The following WDPCP variants were observed in gnomAD, a reference collection of about 807,000 sequenced individuals.
The protein encoded by WDPCP is WD repeat containing planar cell polarity effector.
In WDPCP, 71 loss-of-function variants were observed where a neutral mutation model predicts 93.1. That is an observed-to-expected ratio of 0.76 (90% CI 0.63 to 0.93). The LOEUF (loss-of-function observed/expected upper bound fraction) is 0.93, where lower values mean the gene tolerates loss of function less well. Among genes scored for constraint, WDPCP ranks in the 40% least tolerant of loss-of-function variants. WDPCP has a pLI of 0.00. For synonymous variants in WDPCP, 315 were observed against 315.0 expected, an observed-to-expected ratio of 1.00 and a Z score of 0.00; for missense variants, 844 against 887.4, an observed-to-expected ratio of 0.95 and a Z score of 0.62.
intron 1 of WDPCP, among the ~76,000 whole-genome samples, chr2:63,547,975 G>C (rs1575621016): frequency 6.6e-6 from 1 of 152,028 alleles, no homozygotes; most frequent in East Asian, 1.9e-4. Flanking sequence ...TTTAAGGTGA[G>C]AGATATTCTA....
At chr2:63,419,175 CTG>C (rs1695653899) in intron 9 of WDPCP, among the ~76,000 whole-genome samples, 1 of 152,158 alleles carries the variant, frequency 6.6e-6, no homozygotes, top group Non-Finnish European at 1.5e-5. Context: ...TGGAGTCTCA[CTG>C]TGTCACCCAG....
chr2:63,801,704 A>T (rs1021465621), intron 2 of WDPCP, among the ~76,000 whole-genome samples: 2 of 152,144 alleles, frequency 1.3e-5, no homozygotes, highest in African/African-American at 4.8e-5. Context: ...ACCTCTGGTA[A>T]GACAGGAAAG....
chr2:63,211,111 G>T (rs940069939), intron 14 of WDPCP, among the ~76,000 whole-genome samples: 2 of 152,182 alleles, frequency 1.3e-5, no homozygotes, highest in Non-Finnish European at 2.9e-5. Context: ...GAGAGTAGTG[G>T]TTCTCCCAGC....
intron 2 of WDPCP, among the ~76,000 whole-genome samples, chr2:63,697,728 C>G (rs1161624868): frequency 6.9e-6 from 1 of 145,866 alleles, no homozygotes; most frequent in Admixed American, 6.8e-5. Context: ...GCTCACTGCA[C>G]CCTAGACTTC....
chr2:63,353,298 TG>T (rs1325511964), intron 12 of WDPCP, among the ~76,000 whole-genome samples: 2 of 152,074 alleles, frequency 1.3e-5, no homozygotes, highest in Non-Finnish European at 2.9e-5. Flanking sequence ...CAAAAGTAGC[TG>T]CGGCTCCAGC....
In WDPCP at chr2:63,484,736, T is replaced by G; in HGVS notation, c.325-73A>C. On this transcript the variant is annotated intron_variant, in intron 5 of 17. Coordinates refer to ENST00000272321, the MANE Select transcript of WDPCP (RefSeq NM_015910.7). Reference sequence around the variant, plus strand: ...TCATTATCAGTTAAAGTGCCTCTGATTTGCAAGCAAAAAAAGATCAACATG... The same window carrying G: ...TCATTATCAGTTAAAGTGCCTCTGAGTTGCAAGCAAAAAAAGATCAACATG... The G allele has an allele frequency of 3.8e-6, 6 of 1,591,418 alleles. No individual in the cohort carries two copies. The South Asian group carries it at 4.4e-5, about 12-fold the overall frequency.
chr2:63,702,733 A>C (rs1363608657), intron 2 of WDPCP, among the ~76,000 whole-genome samples: 2 of 144,006 alleles, frequency 1.4e-5, no homozygotes, highest in Admixed American at 1.4e-4. Context: ...TTTTTTTTTT[A>C]ATTATACTTT....
At chr2:63,440,947 C>A (rs1697463713) in intron 6 of WDPCP, 1 of 152,108 alleles carries the variant, frequency 6.6e-6, no homozygotes. Context: ...GCATGAGGGA[C>A]CAGGGTAATA....
At chr2:63,796,566 C>T (rs188709993) in intron 2 of WDPCP, among the ~76,000 whole-genome samples, 82 of 152,322 alleles carry the variant, frequency 5.4e-4, no homozygotes, top group African/African-American at 1.9e-3. Context: ...AGAAGGAGGC[C>T]ACAGTGACTG....
chr2:63,486,651 CCTTGT>C, intron 3 of WDPCP, 65 bp from the exon 4 acceptor site: 1 of 1,367,102 alleles, frequency 7.3e-7, no homozygotes, highest in Non-Finnish European at 1.0e-6. Context: ...TATTATAATG[CCTTGT>C]ATTTTAATAT....
chr2:63,809,075 C>T (rs543645876), intron 2 of WDPCP, among the ~76,000 whole-genome samples: 15 of 151,748 alleles, frequency 9.9e-5, no homozygotes, highest in African/African-American at 2.9e-4. Context: ...CCGGCCGCCC[C>T]GTCTGAGAAG....
chr2:63,165,795 T>C (rs973698897), intron 15 of WDPCP, among the ~76,000 whole-genome samples: 1 of 151,788 alleles, frequency 6.6e-6, no homozygotes, highest in African/African-American at 2.4e-5. Flanking sequence ...GTTTAAATGG[T>C]TAATTTCTCC....
chr2:63,527,099 T>C (rs1455610028), intron 1 of WDPCP, among the ~76,000 whole-genome samples: 1 of 152,136 alleles, frequency 6.6e-6, no homozygotes, highest in East Asian at 1.9e-4. Context: ...GGACAATAAT[T>C]CTCTAGAAGT....
At chr2:63,417,032 G>A (rs972031971) in intron 9 of WDPCP, among the ~76,000 whole-genome samples, 2 of 152,080 alleles carry the variant, frequency 1.3e-5, no homozygotes, top group African/African-American at 4.8e-5. Context: ...CTAAAATAAG[G>A]ATTTATTCAC....
chr2:63,558,238 GAAGAA>G (rs1272994960), intron 1 of WDPCP, among the ~76,000 whole-genome samples: 1 of 151,880 alleles, frequency 6.6e-6, no homozygotes, highest in Non-Finnish European at 1.5e-5. Context: ...AACTAATAAA[GAAGAA>G]AAGAGGCCAG....
chr2:63,217,403 C>G (rs1677447382), intron 14 of WDPCP, among the ~76,000 whole-genome samples: 1 of 152,152 alleles, frequency 6.6e-6, no homozygotes, highest in South Asian at 2.1e-4. Context: ...AATTGCCTAC[C>G]TCTGCTTTAA....
intron 2 of WDPCP, among the ~76,000 whole-genome samples, chr2:63,781,899 T>C (rs1575771720): frequency 1.3e-5 from 2 of 152,264 alleles, no homozygotes; most frequent in East Asian, 3.9e-4. Context: ...GCACCTAATC[T>C]GAAGCAGTCA....
chr2:63,405,993 G>A lies in WDPCP; in HGVS notation c.826-1336C>T, dbSNP rs76280202. Among the ~76,000 whole-genome samples, 577 of 152,274 alleles carry A rather than the reference G, an allele frequency of 3.8e-3. 5 individuals are homozygous for A. The highest frequency in any genetic ancestry group is 0.013 in the African/African-American group (539 of 41,560). On this transcript the variant is annotated intron_variant, in intron 9 of 17. Coordinates refer to ENST00000272321, the MANE Select transcript of WDPCP (RefSeq NM_015910.7). ...GTATTTGACAGTGTATTGCAGTAAT[G>A]TAAGATGTCACTGGGGAAACTGGGG...
intron 3 of WDPCP, among the ~76,000 whole-genome samples, chr2:63,644,503 A>G (rs1710025531): frequency 6.6e-6 from 1 of 152,006 alleles, no homozygotes; most frequent in African/African-American, 2.4e-5. Flanking sequence ...CGGCCTCCCA[A>G]AGTGCTGGGA....
Sources: allele counts gnomAD v4.1 joint callset (sites outside exome capture counted in the v4.1 genomes callset), GRCh38; gene constraint gnomAD v4.1.1; transcripts MANE v1.5; gene names NCBI Gene and HGNC (gene_info 2026-07-23, HGNC 2026-07-21).